EXOC4: variants seen among roughly 807,000 people sequenced by gnomAD.
The protein encoded by EXOC4 is SEC8-like 1.
Under a neutral mutation model 107.2 loss-of-function variants are expected in EXOC4, and 71 were observed. The observed-to-expected ratio is 0.66, with a 90% CI of 0.55 to 0.81. The LOEUF (loss-of-function observed/expected upper bound fraction) is 0.81, where lower values mean the gene tolerates loss of function less well. Among genes scored for constraint, EXOC4 ranks in the 30% least tolerant of loss-of-function variants. The probability of loss-of-function intolerance (pLI) is 0.00; values close to 1 mark genes in which losing one functional copy is unlikely to be tolerated. For synonymous variants in EXOC4, 456 were observed against 441.2 expected (o/e 1.03, Z -0.42); for missense variants, 1,108 against 1,189.6 (o/e 0.93, Z 1.01).
chr7:133,787,173 C>CTTTTTTTTTTTTTTTTT (rs3076807), intron 10 of EXOC4, among the ~76,000 whole-genome samples: 5 of 133,140 alleles, frequency 3.8e-5, no homozygotes, highest in African/African-American at 5.6e-5. Flanking sequence ...TTTTTCTTTT[C>CTTTTTTTTTTTTTTTTT]TTTTTTTTTT....
chr7:133,759,581 T>C lies in EXOC4; in HGVS notation c.1515-57744T>C, dbSNP rs1011166512. Among the ~76,000 whole-genome samples the C allele has an allele frequency of 1.4e-4, 22 of 152,174 alleles. 1 individual carries two copies. Among genetic ancestry groups the C allele is most frequent in the African/African-American group, 4.8e-4 (20 of 41,434 alleles). Reference sequence around the variant, plus strand: ...AACTTTTTCATGGTTACATGACTAGTAAATGGCAGAGCCAGGATTCAAACC... The same window carrying C: ...AACTTTTTCATGGTTACATGACTAGCAAATGGCAGAGCCAGGATTCAAACC... On this transcript the variant is annotated intron_variant, in intron 10 of 17. Coordinates refer to ENST00000253861, the MANE Select transcript of EXOC4 (RefSeq NM_021807.4).
At chr7:133,762,280 A>C (rs1382681161) in intron 10 of EXOC4, among the ~76,000 whole-genome samples, 2 of 152,204 alleles carry the variant, frequency 1.3e-5, no homozygotes, top group African/African-American at 2.4e-5. Flanking sequence ...TATATCTACA[A>C]AAGGGCAAGT....
At chr7:133,507,269 A>G (rs544879093) in intron 9 of EXOC4, among the ~76,000 whole-genome samples, 1 of 152,292 alleles carries the variant, frequency 6.6e-6, no homozygotes, top group Admixed American at 6.5e-5. Flanking sequence ...CTCTAAAAAA[A>G]TTTCCTATTA....
chr7:133,643,409 C>T (rs1802909465), intron 10 of EXOC4, among the ~76,000 whole-genome samples: 1 of 152,142 alleles, frequency 6.6e-6, no homozygotes. Flanking sequence ...GTCTGCCTTT[C>T]CCAGCCCACT....
At chr7:133,509,718 C>A (rs553521012) in intron 9 of EXOC4, among the ~76,000 whole-genome samples, 21 of 152,276 alleles carry the variant, frequency 1.4e-4, no homozygotes, top group African/African-American at 5.1e-4. Context: ...TCTTGTTTAA[C>A]CAGTTTATTT....
chr7:133,954,056 A>T (rs951740147), intron 14 of EXOC4, among the ~76,000 whole-genome samples: 3 of 152,250 alleles, frequency 2.0e-5, no homozygotes, highest in African/African-American at 7.2e-5. Context: ...AATATGTTCC[A>T]GGTGAAGTAG....
chr7:133,774,533 C>A (rs866531375), intron 10 of EXOC4, among the ~76,000 whole-genome samples: 2 of 152,092 alleles, frequency 1.3e-5, no homozygotes, highest in African/African-American at 4.8e-5. Context: ...TCGTTTAACT[C>A]AAATTATTAC....
At chr7:133,726,119 T>C (rs1469319304) in intron 10 of EXOC4, among the ~76,000 whole-genome samples, 2 of 152,160 alleles carry the variant, frequency 1.3e-5, no homozygotes, top group African/African-American at 4.8e-5. Context: ...ATACACTTGA[T>C]AGTTATAAAA....
chr7:133,917,800 TA>T, intron 13 of EXOC4, 62 bp downstream of exon 13: 1 of 1,471,888 alleles, frequency 6.8e-7, no homozygotes, highest in Non-Finnish European at 9.2e-7. Context: ...GTTTAGCTAA[TA>T]TTTTTTTACA....
intron 7 of EXOC4, among the ~76,000 whole-genome samples, chr7:133,458,928 C>T (rs1449376083): frequency 7.5e-6 from 1 of 133,078 alleles, no homozygotes; most frequent in Non-Finnish European, 1.5e-5. Flanking sequence ...GAAACCTGTA[C>T]TTAACCTTTA....
At chr7:133,598,294 T>G (rs950986239) in intron 9 of EXOC4, among the ~76,000 whole-genome samples, 3 of 152,226 alleles carry the variant, frequency 2.0e-5, no homozygotes, top group African/African-American at 7.2e-5. Flanking sequence ...GAGTTAATTA[T>G]GTTAGTGAAC....
chr7:133,947,706 T>G (rs1800588026), intron 14 of EXOC4, among the ~76,000 whole-genome samples: 1 of 152,216 alleles, frequency 6.6e-6, no homozygotes, highest in Non-Finnish European at 1.5e-5. Flanking sequence ...GCTAGTGCTG[T>G]GGGCATTTCA....
At position 133,817,346 on chromosome 7, in the gene EXOC4, T is replaced by C; in HGVS notation, c.1536T>C (p.His512=). ...CCAGATTTATTCAGGAGATTGAGCA[T>C]GCTCTGGGTCTTGGCCCAGCCAAAC... ...PLLRFIQEIE[H]ALGLGPAKQC... The change falls in exon 11 of 18, where the codon CAT becomes CAC. Residue 512 remains histidine, a synonymous_variant. Coordinates refer to ENST00000253861, the MANE Select transcript of EXOC4 (RefSeq NM_021807.4). 6.2e-7 allele frequency: 1 copy of C among 1,613,852 alleles called. No individual in the cohort carries two copies. The highest frequency in any genetic ancestry group is 1.3e-5 in the African/African-American group (1 of 75,056).
intron 10 of EXOC4, among the ~76,000 whole-genome samples, chr7:133,652,096 A>G (rs1371755002): frequency 6.6e-6 from 1 of 152,192 alleles, no homozygotes; most frequent in African/African-American, 2.4e-5. Context: ...TGTGATGTCG[A>G]TGGTTTATAA....
chr7:133,919,925 T>C (rs1020654911), intron 13 of EXOC4, among the ~76,000 whole-genome samples: 6 of 152,186 alleles, frequency 3.9e-5, no homozygotes, highest in African/African-American at 1.2e-4. Context: ...TGCTGGATCA[T>C]AAGGGCAAAA....
chr7:133,774,430 A>G (rs538466131), intron 10 of EXOC4, among the ~76,000 whole-genome samples: 1 of 152,286 alleles, frequency 6.6e-6, no homozygotes, highest in East Asian at 1.9e-4. Context: ...GATAGTATAT[A>G]TTAAAGTTAG....
intron 10 of EXOC4, among the ~76,000 whole-genome samples, chr7:133,721,302 T>C (rs1165727446): frequency 1.3e-5 from 2 of 152,200 alleles, no homozygotes; most frequent in Non-Finnish European, 2.9e-5. Flanking sequence ...TTATCAGACA[T>C]ACCTTTTGAG....
chr7:133,405,671 A>C (rs927335828), intron 7 of EXOC4, among the ~76,000 whole-genome samples: 1 of 152,184 alleles, frequency 6.6e-6, no homozygotes. Flanking sequence ...AACCTTATAT[A>C]CACCATATTT....
intron 9 of EXOC4, among the ~76,000 whole-genome samples, chr7:133,568,238 T>A (rs776798275): frequency 2.6e-5 from 4 of 152,066 alleles, no homozygotes; most frequent in Non-Finnish European, 4.4e-5. Flanking sequence ...TACTGATTTC[T>A]AGGATTTTTT....
Sources: gnomAD v4.1 joint callset for allele counts (sites outside exome capture counted in the v4.1 genomes callset) on GRCh38, gnomAD v4.1.1 for gene constraint, MANE v1.5 for transcripts, NCBI Gene and HGNC (gene_info 2026-07-23, HGNC 2026-07-21) for gene names.